The following BPIFC variants were observed in gnomAD, a reference collection of about 807,000 sequenced individuals.
The protein encoded by BPIFC is BPI fold containing family C.
A neutral mutation model predicts 57.6 loss-of-function variants in BPIFC; 60 were observed. The observed-to-expected ratio is 1.04, with a 90% CI of 0.85 to 1.29. BPIFC has a LOEUF of 1.29. Among genes scored for constraint, BPIFC ranks in the 50% most tolerant of loss-of-function variants. The pLI, the probability that BPIFC is intolerant of heterozygous loss-of-function variation, is 0.00. For synonymous variants in BPIFC, 243 were observed against 224.5 expected (o/e 1.08, Z -0.74); for missense variants, 581 against 600.5 (o/e 0.97, Z 0.34).
intron 13 of BPIFC, among the ~76,000 whole-genome samples, chr22:32,426,828 G>T (rs995066011): frequency 6.6e-6 from 1 of 151,002 alleles, no homozygotes; most frequent in Non-Finnish European, 1.5e-5. Flanking sequence ...GGGTGCAGAA[G>T]CTCCAGTGAA....
intron 5 of BPIFC, among the ~76,000 whole-genome samples, chr22:32,446,239 G>C (rs1006383433): frequency 6.6e-6 from 1 of 152,226 alleles, no homozygotes; most frequent in African/African-American, 2.4e-5. Flanking sequence ...ATTTCACCCT[G>C]AGTGCTCTGG....
intron 8 of BPIFC, among the ~76,000 whole-genome samples, chr22:32,441,934 G>A (rs1166637171): frequency 6.6e-6 from 1 of 152,140 alleles, no homozygotes; most frequent in Non-Finnish European, 1.5e-5. Context: ...TCGCATGCAC[G>A]GTTCACAATA....
At position 32,436,435 on chromosome 22, in the gene BPIFC, AAGG is replaced by A. The variant is rs1569451543; in HGVS notation, c.748-558_748-556del. 9.1e-4 allele frequency among the ~76,000 whole-genome samples: 138 copies of A among 151,624 alleles called. 2 individuals carry two copies. Among genetic ancestry groups the A allele is most frequent in the African/African-American group, 2.9e-3 (121 of 41,330 alleles). ...GGAAAAGAAGGAGAAGGAGAAGGAG[AAGG>A]AGAAGAAGAAGCATAAGAAGAAGAA... On this transcript the variant is annotated intron_variant, in intron 9 of 16. Transcript: ENST00000300399.
chr22:32,436,168 C>A (rs190264927), intron 9 of BPIFC, among the ~76,000 whole-genome samples: 287 of 152,232 alleles, frequency 1.9e-3, no homozygotes, highest in Non-Finnish European at 3.0e-3. Context: ...GTGGCGCGTA[C>A]CTGTAGTTCC....
At chr22:32,440,310 A>C (rs1027045182) in intron 8 of BPIFC, among the ~76,000 whole-genome samples, 25 of 151,998 alleles carry the variant, frequency 1.6e-4, no homozygotes, top group East Asian at 9.7e-4. Flanking sequence ...AATTAAAAAA[A>C]AATTTTTTTT....
intron 3 of BPIFC, among the ~76,000 whole-genome samples, chr22:32,455,525 G>A (rs1935015303): frequency 6.6e-6 from 1 of 152,128 alleles, no homozygotes; most frequent in East Asian, 1.9e-4. Context: ...GATCCTCACA[G>A]CAACCCAGTG....
intron 1 of BPIFC, among the ~76,000 whole-genome samples, chr22:32,462,961 A>C (rs968042562): frequency 6.6e-6 from 1 of 152,226 alleles, no homozygotes; most frequent in Non-Finnish European, 1.5e-5. Flanking sequence ...ATCACAGTGC[A>C]AATCCCTTCT....
rs144531815 is a variant in BPIFC at position 32,432,527 on chromosome 22, A to T, written c.995T>A (p.Ile332Asn). The change falls in exon 12 of 17, where the codon ATC becomes AAC. Residue 332 changes from isoleucine to asparagine, a missense_variant. Ile to Asn is a moderately radical substitution (Grantham distance 149). Transcript: ENST00000300399. ...CCTCACCATGAAGGGCTGGGACAAG[A>T]TGTAGATCTCTGCAATCTGCCCACA... is the stretch of plus-strand genomic sequence containing the variant. ...NVLSRIAEIY[I>N]LSQPFMVRIM... 5.1e-5 allele frequency: 83 copies of T among 1,611,880 alleles called. 1 individual carries two copies. The highest frequency in any genetic ancestry group is 6.8e-5 in the Non-Finnish European group (80 of 1,179,146).
intron 7 of BPIFC, 71 bp from the exon 8 acceptor site, chr22:32,442,802 A>C: frequency 2.1e-6 from 3 of 1,430,334 alleles, no homozygotes; most frequent in Non-Finnish European, 2.9e-6. Flanking sequence ...TGATGGGCCT[A>C]GACCCTGCAA....
intron 5 of BPIFC, among the ~76,000 whole-genome samples, chr22:32,446,518 T>C (rs1006742983): frequency 2.6e-5 from 4 of 152,222 alleles, no homozygotes; most frequent in African/African-American, 7.2e-5. Flanking sequence ...TACATGAATC[T>C]ATGTTGCTGT....
At chr22:32,460,495 G>T (rs1177979182) in intron 2 of BPIFC, among the ~76,000 whole-genome samples, 1 of 152,188 alleles carries the variant, frequency 6.6e-6, no homozygotes, top group Non-Finnish European at 1.5e-5. Flanking sequence ...GGTCTGAGAA[G>T]GCTGGCTGGG....
intron 8 of BPIFC, among the ~76,000 whole-genome samples, chr22:32,438,180 A>G (rs886440500): frequency 1.3e-5 from 2 of 152,042 alleles, no homozygotes; most frequent in Admixed American, 6.6e-5. Flanking sequence ...CCCTACATAC[A>G]CTGTAATAAA....
chr22:32,436,318 GGAAGAA>G (rs139484255), intron 9 of BPIFC, among the ~76,000 whole-genome samples: 4 of 118,762 alleles, frequency 3.4e-5, no homozygotes, highest in South Asian at 5.2e-4. Context: ...AAGAGGAAGA[GGAAGAA>G]GAAGAAGAAG....
chr22:32,421,498 CCT>C (rs1469330791), intron 13 of BPIFC, among the ~76,000 whole-genome samples: 2 of 152,178 alleles, frequency 1.3e-5, no homozygotes, highest in African/African-American at 4.8e-5. Flanking sequence ...AACAAATCTC[CCT>C]GTTTCCACTA....
At chr22:32,446,708 T>C (rs1934739594) in intron 5 of BPIFC, 1 of 977,072 alleles carries the variant, frequency 1.0e-6, no homozygotes. Context: ...GATTTACACA[T>C]TGCAACTGGC....
intron 4 of BPIFC, among the ~76,000 whole-genome samples, chr22:32,452,248 C>G (rs533504482): frequency 1.3e-5 from 2 of 152,132 alleles, no homozygotes; most frequent in African/African-American, 4.8e-5. Flanking sequence ...AGCAGGTGCT[C>G]AATAAATACT....
At chr22:32,428,648 C>T (rs1477587555) in intron 13 of BPIFC, among the ~76,000 whole-genome samples, 1 of 152,070 alleles carries the variant, frequency 6.6e-6, no homozygotes, top group Non-Finnish European at 1.5e-5. Flanking sequence ...CCTGTAATCC[C>T]AGCACTTTGG....
chr22:32,431,308 T>C (rs1934234408), intron 13 of BPIFC, 39 bp downstream of exon 13: 2 of 1,535,432 alleles, frequency 1.3e-6, no homozygotes, highest in African/African-American at 2.7e-5. Context: ...GACTCACTTA[T>C]TACTAAGGTG....
intron 6 of BPIFC, 63 bp from the exon 7 acceptor site, chr22:32,445,761 C>G: frequency 2.8e-6 from 4 of 1,449,378 alleles, no homozygotes; most frequent in Non-Finnish European, 3.7e-6. Flanking sequence ...CCATAATCAG[C>G]CATTTGTAAA....
Sources: allele counts gnomAD v4.1 joint callset (sites outside exome capture counted in the v4.1 genomes callset), GRCh38; gene constraint gnomAD v4.1.1; transcripts MANE v1.5; gene names NCBI Gene and HGNC (gene_info 2026-07-23, HGNC 2026-07-21).